Variants in NID1 observed in about 807,000 individuals in gnomAD.
NID1 encodes the protein nidogen-1.
NID1 carries 76 observed loss-of-function variants against 130.6 expected under a neutral mutation model. The observed-to-expected ratio is 0.58, with a 90% confidence interval of 0.48 to 0.70. The LOEUF (loss-of-function observed/expected upper bound fraction) is 0.70, where lower values mean the gene tolerates loss of function less well. NID1 is among the 30% of genes least tolerant of loss of function. The pLI is 0.00. For missense variants in NID1, 1,517 were observed against 1,664.8 expected, an observed-to-expected ratio of 0.91 and a Z score of 1.54; for synonymous variants, 665 against 675.1, an observed-to-expected ratio of 0.98 and a Z score of 0.23.
intron 12 of NID1, among the ~76,000 whole-genome samples, chr1:236,003,131 ACTG>A: frequency 2.0e-5 from 3 of 149,842 alleles, no homozygotes; most frequent in African/African-American, 7.3e-5. Flanking sequence ...CTAGTGAACG[ACTG>A]GTAGTTGTCA....
chr1:236,046,675 G>T (rs1659611517), intron 2 of NID1, among the ~76,000 whole-genome samples: 1 of 152,204 alleles, frequency 6.6e-6, no homozygotes, highest in South Asian at 2.1e-4. Context: ...CAAAGGGTAT[G>T]CGGAGGTGGA....
chr1:236,042,417 A>C, intron 3 of NID1, 125 bp from the exon 4 acceptor site: 1 of 1,231,278 alleles, frequency 8.1e-7, no homozygotes, highest in Non-Finnish European at 1.1e-6. Flanking sequence ...CTAGGACTGG[A>C]GAGTGGAAGG....
intron 12 of NID1, among the ~76,000 whole-genome samples, chr1:235,998,638 G>T (rs1355564658): frequency 6.6e-6 from 1 of 151,632 alleles, no homozygotes; most frequent in Non-Finnish European, 1.5e-5. Context: ...TTGTGACATT[G>T]CACTCCAGCC....
chr1:236,045,674 A>T lies in NID1; in HGVS notation c.535T>A (p.Phe179Ile). The T allele has an allele frequency of 6.2e-7, 1 of 1,611,354 alleles. No homozygotes were observed. The highest frequency in any genetic ancestry group is 8.5e-7 in the Non-Finnish European group (1 of 1,178,574). ...DPDQKGKRNTFQAVLASSDSS... is the reference protein window; with the variant it reads ...DPDQKGKRNTIQAVLASSDSS... Reference sequence around the variant, plus strand: ...TCAGAGGAGGCTAGAACAGCCTGGAACGTGTTTCTCTGTGAAGATGAGTTA... The same window carrying T: ...TCAGAGGAGGCTAGAACAGCCTGGATCGTGTTTCTCTGTGAAGATGAGTTA... Residue 179 changes from phenylalanine to isoleucine, a missense_variant, in exon 3 of 20, where the codon TTC becomes ATC. Phe to Ile is a conservative substitution (Grantham distance 21). This residue lies in a region of NID1 where 1,329 missense variants were observed against 1,429.2 expected (regional missense o/e 0.93). Transcript: ENST00000264187.
At chr1:235,978,848 G>T in intron 19 of NID1, 147 bp downstream of exon 19, 2 of 606,158 alleles carry the variant, frequency 3.3e-6, no homozygotes, top group Non-Finnish European at 6.0e-6. Flanking sequence ...TGGTTCACCT[G>T]CTAATGAAGA....
At chr1:236,005,148 G>C (rs1235065663) in intron 12 of NID1, among the ~76,000 whole-genome samples, 1 of 152,100 alleles carries the variant, frequency 6.6e-6, no homozygotes, top group Non-Finnish European at 1.5e-5. Context: ...ACTCCAGCCT[G>C]GGTAACACCA....
intron 6 of NID1, among the ~76,000 whole-genome samples, chr1:236,030,532 C>A (rs1659067546): frequency 6.6e-6 from 1 of 152,116 alleles, no homozygotes; most frequent in South Asian, 2.1e-4. Flanking sequence ...AATTTCAGTG[C>A]CCAGTCAAAA....
Position 235,993,633 on chromosome 1 carries a change from GC to G in NID1, c.2755+11del. On this transcript the variant is annotated intron_variant, in intron 13 of 19. Transcript: ENST00000264187. ...TCAGGCACACGCCCAAGCACGGCCT[GC>G]ACCCACTTACACGGGGGCGTCATCC... The G allele has an allele frequency of 6.6e-7, 1 of 1,525,594 alleles. No individual in the cohort carries two copies. The highest frequency in any genetic ancestry group is 1.2e-5 in the South Asian group (1 of 81,896). The allele number at this position is 1,525,594 out of a possible 1,614,324, so 94.5% of individuals were successfully genotyped here.
At position 236,021,180 on chromosome 1, in the gene NID1, T is replaced by TCA. The variant is rs149709343; in HGVS notation, c.2128+2888_2128+2889dup. Among the ~76,000 whole-genome samples, 365 of 151,122 alleles carry TCA rather than the reference T, an allele frequency of 2.4e-3. 2 individuals are homozygous for TCA. The highest frequency in any genetic ancestry group is 7.8e-3 in the African/African-American group (323 of 41,356). On this transcript the variant is annotated intron_variant, in intron 9 of 19. Transcript: ENST00000264187. ...TCTCACAGCCTGGGAGGGCTCCCGT[T>TCA]CACACACACACACACAGCATCATGC... is the stretch of plus-strand genomic sequence containing the variant.
At chr1:236,031,061 A>C (rs1659084526) in intron 6 of NID1, among the ~76,000 whole-genome samples, 1 of 152,148 alleles carries the variant, frequency 6.6e-6, no homozygotes, top group Non-Finnish European at 1.5e-5. Context: ...AGGAAGAAAA[A>C]ACATTAGGCC....
chr1:236,013,546 G>A lies in NID1; in HGVS notation c.2269C>T (p.Arg757Cys), dbSNP rs1658496818. The A allele has an allele frequency of 7.4e-6, 12 of 1,614,142 alleles. No individual in the cohort carries two copies. Among genetic ancestry groups the A allele is most frequent in the Non-Finnish European group, 1.0e-5 (12 of 1,180,034 alleles). The change falls in exon 11 of 20, where the codon CGC becomes TGC. Residue 757 changes from arginine to cysteine, a missense_variant. By Grantham distance (180) the Arg-to-Cys change is radical. Coordinates refer to ENST00000264187, the MANE Select transcript of NID1 (RefSeq NM_002508.3). ...CCAGTTTCACAGTAGTTGATGGGGC[G>A]CTGGTCCACGACAGCTTCAGAACAA... ...EGTCVAVVDQ[R>C]PINYCETGLH...
Position 236,010,891 on chromosome 1 carries a change from C to G in NID1, c.2527+1030G>C, listed in dbSNP as rs78915158. Among the ~76,000 whole-genome samples, 831 of 152,300 alleles carry G rather than the reference C, an allele frequency of 5.5e-3. 15 individuals are homozygous for G. The highest frequency in any genetic ancestry group is 0.019 in the African/African-American group (790 of 41,540). On this transcript the variant is annotated intron_variant, in intron 12 of 19. Coordinates refer to ENST00000264187, the MANE Select transcript of NID1 (RefSeq NM_002508.3). ...ATAGACAACTACTCTAAAAACTAGT[C>G]TTAGTGAGAGTGAAGATAAACAAAT... is the stretch of plus-strand genomic sequence containing the variant.
At position 235,992,117 on chromosome 1, in the gene NID1, C is replaced by T. The variant is rs190030281; in HGVS notation, c.2756-1059G>A. 1.4e-3 allele frequency among the ~76,000 whole-genome samples: 206 copies of T among 152,322 alleles called. 3 individuals are homozygous for T. The highest frequency in any genetic ancestry group is 0.012 in the Admixed American group (185 of 15,306). ...GATTGGGTGTCTGGAGACCTGAGCC[C>T]TGTCCTGGCCCCTCTACTCACTCGC... On this transcript the variant is annotated intron_variant, in intron 13 of 19. Transcript: ENST00000264187.
intron 12 of NID1, among the ~76,000 whole-genome samples, chr1:236,005,898 G>C (rs1001194262): frequency 6.6e-6 from 1 of 152,130 alleles, no homozygotes; most frequent in African/African-American, 2.4e-5. Flanking sequence ...AAAGTAACAG[G>C]AACCACTCTG....
chr1:235,995,533 T>C lies in NID1; in HGVS notation c.2528-1661A>G, dbSNP rs563897236. On this transcript the variant is annotated intron_variant, in intron 12 of 19. Transcript: ENST00000264187. ...GCAGTATCGACCACACAAAGCAATG[T>C]CCAGACACTGGCAGGAGGTACCCAT... 7.2e-5 allele frequency among the ~76,000 whole-genome samples: 11 copies of C among 152,304 alleles called. No individual in the cohort carries two copies. In the South Asian group the frequency reaches 2.3e-3, roughly 32 times the overall value.
chr1:236,057,826 G>A (rs1051861367), intron 1 of NID1, among the ~76,000 whole-genome samples: 5 of 152,164 alleles, frequency 3.3e-5, no homozygotes, highest in African/African-American at 1.2e-4. Flanking sequence ...ATAATTCTCA[G>A]CTCATGTGCT....
At chr1:236,010,908 TAAAC>T (rs562949037) in intron 12 of NID1, among the ~76,000 whole-genome samples, 37 of 152,366 alleles carry the variant, frequency 2.4e-4, no homozygotes, top group African/African-American at 7.7e-4. Context: ...AGAGTGAAGA[TAAAC>T]AAATATTTTC....
rs745984247 is a variant in NID1, at chr1:235,979,845, A to G, written c.3486T>C (p.Asn1162=). ...YPFAVTSYGK[N]LYFTDWKMNS... ...ACATCTTCCAGTCTGTGAAATACAG[A>G]TTCTTCCCGTAGCTCGTCACAGCAA... is the stretch of plus-strand genomic sequence containing the variant. The change falls in exon 18 of 20, where the codon AAT becomes AAC. Residue 1162 remains asparagine (N), a synonymous_variant. Transcript: ENST00000264187. This position sits in a 1 kb window ranked among gnomAD's most constrained non-coding sequence, Gnocchi z 4.6. 2 of 1,613,932 alleles carry G rather than the reference A, an allele frequency of 1.2e-6. No homozygotes were observed. Among genetic ancestry groups the G allele is most frequent in the African/African-American group, 2.7e-5 (2 of 74,922 alleles).
rs905719623 is a variant in NID1 at position 236,058,154 on chromosome 1, G to C, written c.225+6701C>G. Among the ~76,000 whole-genome samples, 3 of 152,284 alleles carry C rather than the reference G, an allele frequency of 2.0e-5. No homozygotes were observed. In the East Asian group the frequency reaches 5.8e-4, roughly 29 times the overall value. Reference sequence around the variant, plus strand: ...CCTAGGTGAGGTTCTTTGTGAATTTGCATTAAGGAGTAAAAACTTGTTTAC... The same window carrying C: ...CCTAGGTGAGGTTCTTTGTGAATTTCCATTAAGGAGTAAAAACTTGTTTAC... On this transcript the variant is annotated intron_variant, in intron 1 of 19. Transcript: ENST00000264187.
Sources: gnomAD v4.1 joint callset for allele counts (sites outside exome capture counted in the v4.1 genomes callset) on GRCh38, gnomAD v4.1.1 for gene constraint, gnomAD v4.1.1 regional missense constraint, Gnocchi (gnomAD v3.1) non-coding constraint, MANE v1.5 for transcripts, NCBI Gene and HGNC (gene_info 2026-07-23, HGNC 2026-07-21) for gene names.